DRC1: variants seen among roughly 807,000 people sequenced by gnomAD.
DRC1 encodes the protein dynein regulatory complex protein 1.
DRC1 carries 74 observed loss-of-function variants against 98.7 expected under a neutral mutation model. The ratio of observed to expected loss-of-function variants is 0.75; its 90% CI spans 0.62 to 0.91. The LOEUF (loss-of-function observed/expected upper bound fraction) is 0.91. Ranked by LOEUF, DRC1 falls within the 40% of genes least tolerant of loss-of-function variation. The pLI, the probability that DRC1 is intolerant of heterozygous loss-of-function variation, is 0.00. For missense variants in DRC1, 875 were observed against 886.0 expected (o/e 0.99, Z 0.16); for synonymous variants, 336 against 334.1 (o/e 1.01, Z -0.06).
At chr2:26,411,937 G>T (rs1385908285) in intron 1 of DRC1, among the ~76,000 whole-genome samples, 1 of 152,136 alleles carries the variant, frequency 6.6e-6, no homozygotes, top group Non-Finnish European at 1.5e-5. Context: ...TTAATTGGTG[G>T]TCAAAGTAGA....
chr2:26,452,466 G>T (rs1325010186), intron 13 of DRC1, among the ~76,000 whole-genome samples: 1 of 152,112 alleles, frequency 6.6e-6, no homozygotes, highest in African/African-American at 2.4e-5. Context: ...CACCATGTTG[G>T]CCAGGCTGCT....
chr2:26,422,054 G>A (rs1663162134), intron 3 of DRC1, among the ~76,000 whole-genome samples: 1 of 152,182 alleles, frequency 6.6e-6, no homozygotes, highest in Non-Finnish European at 1.5e-5. Flanking sequence ...ACACAAGGAG[G>A]CCTTTAATTC....
chr2:26,419,891 C>T (rs956414933), intron 2 of DRC1, among the ~76,000 whole-genome samples: 2 of 152,148 alleles, frequency 1.3e-5, no homozygotes, highest in African/African-American at 2.4e-5. Flanking sequence ...AATCCCTGAG[C>T]CCATTAAGGA....
chr2:26,445,520 G>T (rs1276290407), intron 10 of DRC1, among the ~76,000 whole-genome samples: 2 of 152,106 alleles, frequency 1.3e-5, no homozygotes, highest in African/African-American at 4.8e-5. Context: ...ATGAATGCAT[G>T]AGTTTAAACA....
Position 26,444,208 on chromosome 2 carries a change from T to C in DRC1, c.1029-14T>C, listed in dbSNP as rs1663789805. 6.2e-7 allele frequency: 1 copy of C among 1,613,862 alleles called. No individual in the cohort carries two copies. Among genetic ancestry groups the C allele is most frequent in the African/African-American group, 1.3e-5 (1 of 74,924 alleles). On this transcript the variant is annotated splice_polypyrimidine_tract_variant and intron_variant, in intron 8 of 16. Coordinates refer to ENST00000288710, the MANE Select transcript of DRC1 (RefSeq NM_145038.5). ...CTATTCAGCTGCAGACTAACCTTTT[T>C]CTCCTTCAACCAGCCTGCATGATAT...
In DRC1 at chr2:26,455,051, TACAACCACCAAG is replaced by T. The variant is rs1366093959; in HGVS notation, c.2064-77_2064-66del. 6 of 1,530,496 alleles carry T rather than the reference TACAACCACCAAG, an allele frequency of 3.9e-6. No individual in the cohort carries two copies. The African/African-American group carries it at 8.2e-5, about 21-fold the overall frequency. 94.8% of individuals were successfully genotyped at this position (1,530,496 alleles called of 1,614,324 possible). A position where few individuals can be genotyped will look rare whatever the true frequency, so the allele number is the denominator to read the frequency against. Reference sequence around the variant, plus strand: ...AGTCTCCCTCCACCTGTAGCCAAAGTACAACCACCAAGACCCTGGCCCCTACTTGGCAGAGGA... The same window carrying T: ...AGTCTCCCTCCACCTGTAGCCAAAGTACCCTGGCCCCTACTTGGCAGAGGA... On this transcript the variant is annotated intron_variant, in intron 15 of 16. Coordinates refer to ENST00000288710, the MANE Select transcript of DRC1 (RefSeq NM_145038.5).
intron 4 of DRC1, 126 bp downstream of exon 4, chr2:26,424,580 C>A: frequency 1.0e-6 from 1 of 978,226 alleles, no homozygotes; most frequent in Non-Finnish European, 1.5e-6. Flanking sequence ...GAATGCTGTA[C>A]AAGTCATGTT....
Position 26,450,639 on chromosome 2 carries a change from C to G in DRC1, c.1647C>G (p.Phe549Leu), listed in dbSNP as rs371052653. Residue 549 changes from phenylalanine (F) to leucine (L), a missense_variant, in exon 13 of 17, where the codon TTC (phenylalanine) becomes TTG (leucine). Phe to Leu is a conservative substitution (Grantham distance 22). Transcript: ENST00000288710. ...SEDDLYKLVN[F>L]FLKYRAHRLS... is the part of the protein sequence containing the mutation. The stretch of plus-strand genomic sequence containing the variant: ...ATGACTTGTATAAACTGGTGAACTT[C>G]TTCCTTAAATATCGAGCTCACCGTT... 80 of 1,611,006 alleles carry G rather than the reference C, an allele frequency of 5.0e-5. No individual in the cohort carries two copies. The highest frequency in any genetic ancestry group is 6.4e-5 in the Non-Finnish European group (76 of 1,178,706).
At chr2:26,440,665 C>A in intron 8 of DRC1, 148 bp downstream of exon 8, 1 of 1,055,938 alleles carries the variant, frequency 9.5e-7, no homozygotes, top group Non-Finnish European at 1.3e-6. Context: ...TTAATACATT[C>A]AATCTCTCCC....
intron 10 of DRC1, among the ~76,000 whole-genome samples, chr2:26,447,301 T>TA (rs1469678555): frequency 6.6e-6 from 1 of 151,358 alleles, no homozygotes; most frequent in East Asian, 2.0e-4. Flanking sequence ...TAATTCCAGC[T>TA]ACTCAGGAGG....
At chr2:26,409,052 C>T (rs889551977) in intron 1 of DRC1, among the ~76,000 whole-genome samples, 3 of 151,986 alleles carry the variant, frequency 2.0e-5, no homozygotes, top group African/African-American at 4.8e-5. Flanking sequence ...CTGCCTCAGC[C>T]TCCTGAGTGT....
At chr2:26,452,803 T>G (rs1038572980) in intron 13 of DRC1, among the ~76,000 whole-genome samples, 1 of 152,232 alleles carries the variant, frequency 6.6e-6, no homozygotes, top group Non-Finnish European at 1.5e-5. Flanking sequence ...ATTTGTAGTA[T>G]AGTATCATTG....
chr2:26,455,582 C>T (rs533581236), intron 16 of DRC1, among the ~76,000 whole-genome samples: 44 of 152,342 alleles, frequency 2.9e-4, no homozygotes, highest in African/African-American at 1.0e-3. Context: ...TCCTCACACC[C>T]GCTGTGTGAG....
chr2:26,428,884 A>T (rs186834838), intron 4 of DRC1, among the ~76,000 whole-genome samples: 4 of 152,298 alleles, frequency 2.6e-5, no homozygotes, highest in African/African-American at 7.2e-5. Flanking sequence ...TATGCAGCAC[A>T]TGACCGTAGT....
At chr2:26,433,475 A>G (rs1663490705) in intron 7 of DRC1, among the ~76,000 whole-genome samples, 1 of 152,234 alleles carries the variant, frequency 6.6e-6, no homozygotes, top group African/African-American at 2.4e-5. Flanking sequence ...GAACACTACA[A>G]ATCTGTAATA....
chr2:26,429,612 A>G lies in DRC1; in HGVS notation c.541-16A>G, dbSNP rs1663379103. On this transcript the variant is annotated splice_polypyrimidine_tract_variant and intron_variant, in intron 4 of 16. Transcript: ENST00000288710. Reference sequence around the variant, plus strand: ...TGACACAGTTTGTGGCCAGACTTTTACATGCTCTTTTCTAGGAGTTAAAAA... The same window carrying G: ...TGACACAGTTTGTGGCCAGACTTTTGCATGCTCTTTTCTAGGAGTTAAAAA... The G allele has an allele frequency of 1.9e-6, 3 of 1,612,730 alleles. No individual in the cohort carries two copies. The highest frequency in any genetic ancestry group is 2.5e-6 in the Non-Finnish European group (3 of 1,179,384).
At chr2:26,449,196 C>G (rs1272055233) in intron 11 of DRC1, among the ~76,000 whole-genome samples, 1 of 152,268 alleles carries the variant, frequency 6.6e-6, no homozygotes, top group Non-Finnish European at 1.5e-5. Context: ...GGGGGTGACT[C>G]TGGCTATGTT....
intron 1 of DRC1, among the ~76,000 whole-genome samples, chr2:26,405,223 G>C (rs1379840415): frequency 6.6e-6 from 1 of 152,098 alleles, no homozygotes; most frequent in East Asian, 1.9e-4. Flanking sequence ...TTGTATTCTT[G>C]TTGGCTGCCC....
chr2:26,435,876 T>C (rs1663556318), intron 7 of DRC1, among the ~76,000 whole-genome samples: 1 of 152,196 alleles, frequency 6.6e-6, no homozygotes, highest in African/African-American at 2.4e-5. Context: ...GCATCTAGGT[T>C]GATTCCATGT....
Sources: gnomAD v4.1 joint callset for allele counts (sites outside exome capture counted in the v4.1 genomes callset) on GRCh38, gnomAD v4.1.1 for gene constraint, MANE v1.5 for transcripts, NCBI Gene and HGNC (gene_info 2026-07-23, HGNC 2026-07-21) for gene names.